Variants in FSIP2 observed in about 807,000 individuals in gnomAD.
FSIP2 encodes fibrous sheath-interacting protein 2.
Under a neutral mutation model 510.5 loss-of-function variants are expected in FSIP2, and 367 were observed. The observed-to-expected ratio is 0.72, with a 90% CI of 0.66 to 0.78. The LOEUF is 0.78. Ranked by LOEUF, FSIP2 falls within the 30% of genes least tolerant of loss-of-function variation. The probability of loss-of-function intolerance (pLI) is 0.00; values close to 1 mark genes in which losing one functional copy is unlikely to be tolerated. For synonymous variants in FSIP2, 2,601 were observed against 2,732.2 expected, an observed-to-expected ratio of 0.95 and a Z score of 1.50; for missense variants, 7,594 against 7,901.7, an observed-to-expected ratio of 0.96 and a Z score of 1.48.
rs530619123 is a variant in FSIP2 at position 185,810,774 on chromosome 2, T to C, written c.19827+1641T>C. 3.6e-4 allele frequency among the ~76,000 whole-genome samples: 55 copies of C among 151,950 alleles called. 1 individual carries two copies. Among genetic ancestry groups the C allele is most frequent in the Admixed American group, 1.6e-3 (25 of 15,252 alleles). On this transcript the variant is annotated intron_variant, in intron 17 of 22. Transcript: ENST00000424728. ...AGAGTTTAGAAGGCTCAGAAGAAGA[T>C]AGGAAGATTAAGGAGAGTTTGGAAC...
Position 185,786,268 on chromosome 2 carries a change from C to T in FSIP2, c.1486C>T (p.Gln496Ter), listed in dbSNP as rs949569986. 1 of 1,520,772 alleles carries T rather than the reference C, an allele frequency of 6.6e-7. No homozygotes were observed. Among genetic ancestry groups the T allele is most frequent in the Admixed American group, 2.0e-5 (1 of 50,504 alleles). 94.2% of individuals were successfully genotyped at this position (1,520,772 alleles called of 1,614,324 possible). The change falls in exon 15 of 23, where the codon CAA becomes TAA. Residue 496 changes from glutamine (Q) to a stop codon, truncating the protein, a stop_gained. Coordinates refer to ENST00000424728, the MANE Select transcript of FSIP2 (RefSeq NM_173651.4). LOFTEE classifies it high-confidence loss of function. ...VYTNMQQNLLQNCLQEKVTSE... is the reference protein window; with the variant it reads ...VYTNMQQNLL ...TCTTTACAGGCAACAGAACTTGCTG[C>T]AAAATTGCTTGCAAGAAAAAGTATG...
At position 185,790,591 on chromosome 2, in the gene FSIP2, A is replaced by T. The variant is rs1257682415; in HGVS notation, c.3455A>T (p.Glu1152Val). Residue 1152 changes from glutamate (E) to valine (V), a missense_variant, in exon 16 of 23, where the codon GAA becomes GTA. Physicochemically the swap from Glu to Val is moderately radical, Grantham distance 121. Coordinates refer to ENST00000424728, the MANE Select transcript of FSIP2 (RefSeq NM_173651.4). ...SEKPQGLSHQ[E>V]WIDQMFSVSE... Reference sequence around the variant, plus strand: ...AAGCCTCAAGGACTGTCACATCAAGAATGGATAGACCAGATGTTTTCTGTT... The same window carrying T: ...AAGCCTCAAGGACTGTCACATCAAGTATGGATAGACCAGATGTTTTCTGTT... 1 of 1,534,008 alleles carries T rather than the reference A, an allele frequency of 6.5e-7. No homozygotes were observed. The highest frequency in any genetic ancestry group is 8.7e-7 in the Non-Finnish European group (1 of 1,145,524).
chr2:185,760,734 C>G (rs1230733903), intron 9 of FSIP2, among the ~76,000 whole-genome samples: 2 of 150,360 alleles, frequency 1.3e-5, no homozygotes, highest in African/African-American at 4.8e-5. Flanking sequence ...GCAAACTAAT[C>G]TTGAGTTAGT....
chr2:185,754,474 A>G (rs898241884), intron 8 of FSIP2, among the ~76,000 whole-genome samples: 4 of 151,454 alleles, frequency 2.6e-5, no homozygotes, highest in Non-Finnish European at 4.4e-5. Flanking sequence ...TATCTCATCA[A>G]TCCCATTTCT....
chr2:185,748,924 A>G (rs1298189188), intron 7 of FSIP2, among the ~76,000 whole-genome samples: 1 of 152,078 alleles, frequency 6.6e-6, no homozygotes, highest in African/African-American at 2.4e-5. Flanking sequence ...TTGACATTAT[A>G]TATTTTTTCA....
rs774455001 is a variant in FSIP2 at position 185,788,855 on chromosome 2, TG to T, written c.1720del (p.Ala574GlnfsTer14). The T allele has an allele frequency of 6.5e-7, 1 of 1,534,886 alleles. No individual in the cohort carries two copies. Among genetic ancestry groups the T allele is most frequent in the South Asian group, 1.2e-5 (1 of 84,020 alleles). On this transcript the variant is annotated frameshift_variant, in exon 16 of 23. Transcript: ENST00000424728. LOFTEE classifies it high-confidence loss of function. ...ACTTTACATATAGAAGCTACACATC[TG>T]CAACAACTAAAACATTTCAGGCAGA... is the stretch of plus-strand genomic sequence containing the variant. The part of the protein sequence containing the change: ...EDFTYRSYTS[A>X]TTKTFQAEPC...
At position 185,815,465 on chromosome 2, in the gene FSIP2, C is replaced by A; in HGVS notation, c.20420C>A (p.Ser6807Tyr). 1 of 1,326,332 alleles carries A rather than the reference C, an allele frequency of 7.5e-7. No homozygotes were observed. Among genetic ancestry groups the A allele is most frequent in the Non-Finnish European group, 1.1e-6 (1 of 938,210 alleles). The allele number at this position is 1,326,332 out of a possible 1,614,324, so 82.2% of individuals were successfully genotyped here. ...TACAACCAAGAAGATCTCATTTCAT[C>A]TACTGGGTATATGAAATTAAAGCAG... The part of the protein sequence containing the change: ...SSYNQEDLIS[S>Y]TGEAEDCHSD... Residue 6807 changes from serine to tyrosine, a missense_variant, in exon 19 of 23, where the codon TCT (serine) becomes TAT (tyrosine). Transcript: ENST00000424728.
chr2:185,779,300 GT>G (rs139094717), intron 13 of FSIP2, among the ~76,000 whole-genome samples: 12 of 148,462 alleles, frequency 8.1e-5, no homozygotes, highest in Non-Finnish European at 1.5e-4. Flanking sequence ...TTTTTATCTA[GT>G]TTTTTTTTTA....
At position 185,800,372 on chromosome 2, in the gene FSIP2, C is replaced by G. The variant is rs1693404849; in HGVS notation, c.11066C>G (p.Thr3689Arg). Residue 3689 changes from threonine to arginine, a missense_variant, in exon 17 of 23, where the codon ACA becomes AGA. Physicochemically the swap from Thr to Arg is moderately conservative, Grantham distance 71 (BLOSUM62 -1). Coordinates refer to ENST00000424728, the MANE Select transcript of FSIP2 (RefSeq NM_173651.4). Reference protein sequence around the residue: ...KLNSLVGNLKTSESKEVVNKV... With the variant: ...KLNSLVGNLKRSESKEVVNKV... Reference sequence around the variant, plus strand: ...AACAGCCTGGTTGGTAACCTAAAAACAAGTGAATCCAAAGAAGTAGTCAAT... The same window carrying G: ...AACAGCCTGGTTGGTAACCTAAAAAGAAGTGAATCCAAAGAAGTAGTCAAT... The G allele has an allele frequency of 6.6e-7, 1 of 1,526,434 alleles. No homozygotes were observed. The highest frequency in any genetic ancestry group is 1.4e-5 in the African/African-American group (1 of 72,294). 94.6% of individuals were successfully genotyped at this position (1,526,434 alleles called of 1,614,324 possible).
chr2:185,748,720 C>T (rs1462034803), intron 7 of FSIP2, among the ~76,000 whole-genome samples: 2 of 152,004 alleles, frequency 1.3e-5, no homozygotes, highest in Admixed American at 6.6e-5. Context: ...GGAGGAGTGC[C>T]CATTAGACGT....
chr2:185,800,697 A>G lies in FSIP2; in HGVS notation c.11391A>G (p.Val3797=). Residue 3797 remains valine, a synonymous_variant, in exon 17 of 23, where the codon GTA becomes GTG. Transcript: ENST00000424728. ...ECQLLKMLQS[V]EDGKSDYRKG... is the part of the protein sequence containing the mutation. Reference sequence around the variant, plus strand: ...AACTTTTAAAAATGCTTCAAAGTGTAGAAGATGGAAAATCTGATTATCGTA... The same window carrying G: ...AACTTTTAAAAATGCTTCAAAGTGTGGAAGATGGAAAATCTGATTATCGTA... 1 of 1,534,204 alleles carries G rather than the reference A, an allele frequency of 6.5e-7. No homozygotes were observed. The highest frequency in any genetic ancestry group is 8.7e-7 in the Non-Finnish European group (1 of 1,145,602).
chr2:185,814,890 T>C (rs2105668954), intron 18 of FSIP2, among the ~76,000 whole-genome samples: 1 of 152,172 alleles, frequency 6.6e-6, no homozygotes, highest in Admixed American at 6.5e-5. Context: ...ATTCCGAGGT[T>C]AACACAAAAG....
intron 15 of FSIP2, among the ~76,000 whole-genome samples, chr2:185,787,143 T>C (rs1217289551): frequency 8.6e-5 from 13 of 151,872 alleles, no homozygotes; most frequent in Non-Finnish European, 4.4e-5. Flanking sequence ...GTAGTTGATT[T>C]AGAATAATTA....
intron 13 of FSIP2, among the ~76,000 whole-genome samples, chr2:185,778,666 T>C (rs543332786): frequency 1.1e-3 from 162 of 152,108 alleles, no homozygotes; most frequent in African/African-American, 3.8e-3. Context: ...TTAGCAAACA[T>C]GATTACTATT....
In FSIP2 at chr2:185,802,235, G is replaced by A. The variant is rs1472437040; in HGVS notation, c.12929G>A (p.Arg4310Lys). Reference sequence around the variant, plus strand: ...GATATTCACCTTGATTCATTTGTAAGGGAGATTGTTGCCAGACTTTTGTCA... The same window carrying A: ...GATATTCACCTTGATTCATTTGTAAAGGAGATTGTTGCCAGACTTTTGTCA... Reference protein sequence around the residue: ...PLDIHLDSFVREIVARLLSKI... With the variant: ...PLDIHLDSFVKEIVARLLSKI... The change falls in exon 17 of 23, where the codon AGG becomes AAG. Residue 4310 changes from arginine to lysine, a missense_variant. By Grantham distance (26) the Arg-to-Lys change is conservative. Coordinates refer to ENST00000424728, the MANE Select transcript of FSIP2 (RefSeq NM_173651.4). 6.5e-7 allele frequency: 1 copy of A among 1,533,710 alleles called. No homozygotes were observed. Among genetic ancestry groups the A allele is most frequent in the South Asian group, 1.2e-5 (1 of 84,004 alleles).
At position 185,807,419 on chromosome 2, in the gene FSIP2, A is replaced by G. The variant is rs199575342; in HGVS notation, c.18113A>G (p.Asp6038Gly). 8.3e-5 allele frequency: 133 copies of G among 1,610,266 alleles called. No individual in the cohort carries two copies. The highest frequency in any genetic ancestry group is 1.1e-4 in the Non-Finnish European group (124 of 1,178,896). ...AGCACAAAAACAAAAGAACCTGAGG[A>G]CAATTTGTCCACAGAACTGAATTTC... ...ISSTKTKEPE[D>G]NLSTELNFLQ... The change falls in exon 17 of 23, where the codon GAC becomes GGC. Residue 6038 changes from aspartate to glycine, a missense_variant. Asp to Gly is a moderately conservative substitution (Grantham distance 94). Coordinates refer to ENST00000424728, the MANE Select transcript of FSIP2 (RefSeq NM_173651.4).
At chr2:185,810,522 G>A (rs1693704005) in intron 17 of FSIP2, among the ~76,000 whole-genome samples, 1 of 143,804 alleles carries the variant, frequency 7.0e-6, no homozygotes, top group Non-Finnish European at 1.5e-5. Flanking sequence ...GCAGAACCAT[G>A]AGCCAGTTAA....
chr2:185,748,540 T>C (rs528692888), intron 7 of FSIP2, among the ~76,000 whole-genome samples: 104 of 152,018 alleles, frequency 6.8e-4, no homozygotes, highest in African/African-American at 2.4e-3. Flanking sequence ...AAACTGCACA[T>C]CTCTGGGCGG....
At chr2:185,781,170 T>A (rs569058342) in intron 13 of FSIP2, among the ~76,000 whole-genome samples, 3 of 152,192 alleles carry the variant, frequency 2.0e-5, no homozygotes, top group Admixed American at 2.0e-4. Flanking sequence ...AACTTTAGGA[T>A]TGTGTAAAAG....
Sources: allele counts gnomAD v4.1 joint callset (sites outside exome capture counted in the v4.1 genomes callset), GRCh38; gene constraint gnomAD v4.1.1; transcripts MANE v1.5; gene names NCBI Gene and HGNC (gene_info 2026-07-23, HGNC 2026-07-21).